Variants in DPP6 observed in about 807,000 individuals in gnomAD.
The protein encoded by DPP6 is A-type potassium channel modulatory protein DPP6.
A neutral mutation model predicts 122.6 loss-of-function variants in DPP6; 69 were observed. That is an observed-to-expected ratio of 0.56 (90% CI 0.46 to 0.69). The LOEUF is 0.69. Among genes scored for constraint, DPP6 ranks in the 30% least tolerant of loss-of-function variants. DPP6 has a pLI of 0.00. For missense variants in DPP6, 928 were observed against 1,116.9 expected, an observed-to-expected ratio of 0.83 and a Z score of 2.41; for synonymous variants, 418 against 433.1, an observed-to-expected ratio of 0.97 and a Z score of 0.43.
chr7:154,691,317 C>A (rs1376724926), intron 7 of DPP6, among the ~76,000 whole-genome samples: 2 of 152,148 alleles, frequency 1.3e-5, no homozygotes, highest in Non-Finnish European at 2.9e-5. Context: ...TTGCTCATGT[C>A]TCTTTTTAAC....
intron 1 of DPP6, among the ~76,000 whole-genome samples, chr7:154,332,358 C>G (rs1809025361): frequency 6.6e-6 from 1 of 152,244 alleles, no homozygotes; most frequent in Non-Finnish European, 1.5e-5. Context: ...AAGCGTGAGC[C>G]ACCACACCCG....
At chr7:154,027,447 T>G (rs1228209420) in intron 1 of DPP6, among the ~76,000 whole-genome samples, 3 of 152,180 alleles carry the variant, frequency 2.0e-5, no homozygotes, top group South Asian at 2.1e-4. Context: ...AGAGGATGGC[T>G]TCTCGCTGTG....
chr7:153,936,636 C>G (rs1343143879), intron 1 of DPP6, among the ~76,000 whole-genome samples: 3 of 149,708 alleles, frequency 2.0e-5, no homozygotes, highest in East Asian at 2.0e-4. Context: ...GAAACCCCGT[C>G]TCTACTAAAA....
chr7:154,444,798 A>T (rs1819711896), intron 1 of DPP6, among the ~76,000 whole-genome samples: 1 of 152,352 alleles, frequency 6.6e-6, no homozygotes, highest in East Asian at 1.9e-4. Context: ...CTGGCCAGTG[A>T]TTTTCTCCCA....
At chr7:153,895,626 T>A (rs62487370) in intron 1 of DPP6, among the ~76,000 whole-genome samples, 115,146 of 151,836 alleles carry the variant, frequency 0.76, 43,704 homozygotes, top group Middle Eastern at 0.81. Flanking sequence ...TGTATAGTCC[T>A]ATTGGACACA....
intron 5 of DPP6, among the ~76,000 whole-genome samples, chr7:154,622,326 A>G (rs1396060687): frequency 2.0e-5 from 3 of 152,210 alleles, no homozygotes; most frequent in Admixed American, 2.0e-4. Context: ...GATATGTGGC[A>G]TATGTGGAAA....
chr7:153,778,462 T>C, the DPP6 span, among the ~76,000 whole-genome samples: 1 of 151,794 alleles, frequency 6.6e-6, no homozygotes, highest in East Asian at 1.9e-4. Context: ...ACAATGAATG[T>C]ACCTCTTACT....
intron 4 of DPP6, among the ~76,000 whole-genome samples, chr7:154,550,698 T>TACACAA (rs1829561422): frequency 6.6e-6 from 1 of 151,740 alleles, no homozygotes; most frequent in African/African-American, 2.4e-5. Context: ...CATCTAAACA[T>TACACAA]ACACAAACAC....
At chr7:154,476,663 G>T (rs1822765695) in intron 3 of DPP6, among the ~76,000 whole-genome samples, 1 of 152,220 alleles carries the variant, frequency 6.6e-6, no homozygotes, top group Non-Finnish European at 1.5e-5. Flanking sequence ...GTTAGAGAAA[G>T]CTAAGAATAG....
chr7:153,830,156 C>A, the DPP6 span, among the ~76,000 whole-genome samples: 24 of 152,308 alleles, frequency 1.6e-4, no homozygotes, highest in African/African-American at 5.5e-4. Flanking sequence ...CTGTATAAAT[C>A]TTTTTCAATT....
At chr7:154,694,600 G>A (rs1428741527) in intron 7 of DPP6, among the ~76,000 whole-genome samples, 2 of 149,330 alleles carry the variant, frequency 1.3e-5, no homozygotes, top group Non-Finnish European at 1.5e-5. Flanking sequence ...CAACAAGAGT[G>A]AGACTCCATC....
intron 16 of DPP6, among the ~76,000 whole-genome samples, chr7:154,807,961 G>A (rs1798804073): frequency 1.3e-5 from 2 of 152,318 alleles, no homozygotes; most frequent in South Asian, 2.1e-4. Flanking sequence ...CAAAAGAGTA[G>A]GCCATGTTGC....
intron 1 of DPP6, among the ~76,000 whole-genome samples, chr7:153,992,115 C>T (rs1235365945): frequency 6.6e-6 from 1 of 151,934 alleles, no homozygotes; most frequent in African/African-American, 2.4e-5. Context: ...TCCCAAAAGG[C>T]CCCACCCCCC....
chr7:154,737,974 G>A (rs62475811), intron 8 of DPP6, among the ~76,000 whole-genome samples: 15,045 of 152,266 alleles, frequency 0.099, 1,039 homozygotes, highest in Middle Eastern at 0.15. Flanking sequence ...TTAAACAAGA[G>A]CGCTTCTGTG....
At chr7:153,987,361 T>C (rs1796901031) in intron 1 of DPP6, among the ~76,000 whole-genome samples, 1 of 152,246 alleles carries the variant, frequency 6.6e-6, no homozygotes, top group Non-Finnish European at 1.5e-5. Flanking sequence ...ACTCCCCTTG[T>C]GAACTGAACA....
Position 154,404,623 on chromosome 7 carries a change from C to T in DPP6, c.244-41591C>T, listed in dbSNP as rs549953849. The stretch of plus-strand genomic sequence containing the variant: ...GGTCGACCAGAAACATTCAACTTAA[C>T]CAGTAATGATGGAAATTCAAATTAA... On this transcript the variant is annotated intron_variant, in intron 1 of 25. Coordinates refer to ENST00000377770, the MANE Select transcript of DPP6 (RefSeq NM_130797.4). Among the ~76,000 whole-genome samples, 124 of 152,206 alleles carry T rather than the reference C, an allele frequency of 8.1e-4. 1 individual carries two copies. Among genetic ancestry groups the T allele is most frequent in the African/African-American group, 2.8e-3 (118 of 41,526 alleles).
At chr7:154,560,676 A>T (rs2130473956) in intron 4 of DPP6, among the ~76,000 whole-genome samples, 1 of 152,314 alleles carries the variant, frequency 6.6e-6, no homozygotes, top group African/African-American at 2.4e-5. Flanking sequence ...CTGAGGTCAG[A>T]GTTCGAGACC....
At chr7:154,744,283 C>A (rs1172085934) in intron 8 of DPP6, among the ~76,000 whole-genome samples, 1 of 152,164 alleles carries the variant, frequency 6.6e-6, no homozygotes, top group Non-Finnish European at 1.5e-5. Flanking sequence ...TCTCAGAGCA[C>A]TTGGAGAAGC....
chr7:154,851,246 GT>G (rs11364050), intron 16 of DPP6, among the ~76,000 whole-genome samples: 31,873 of 124,736 alleles, frequency 0.26, 3,821 homozygotes, highest in East Asian at 0.46. Flanking sequence ...TACACCTGTG[GT>G]TTTTTTCCTC....
Sources: gnomAD v4.1 joint callset for allele counts (sites outside exome capture counted in the v4.1 genomes callset) on GRCh38, gnomAD v4.1.1 for gene constraint, MANE v1.5 for transcripts, NCBI Gene and HGNC (gene_info 2026-07-23, HGNC 2026-07-21) for gene names.